The following FOXN2 variants were observed in gnomAD, a reference collection of about 807,000 sequenced individuals.
FOXN2 encodes forkhead box protein N2.
A neutral mutation model predicts 41.2 loss-of-function variants in FOXN2; 19 were observed. The observed-to-expected ratio is 0.46, with a 90% CI of 0.32 to 0.68. The LOEUF (loss-of-function observed/expected upper bound fraction) is 0.68, where lower values mean the gene tolerates loss of function less well. Ranked by LOEUF, FOXN2 falls within the 30% of genes least tolerant of loss-of-function variation. The pLI, the probability that FOXN2 is intolerant of heterozygous loss-of-function variation, is 0.03. For synonymous variants in FOXN2, 195 were observed against 176.8 expected, an observed-to-expected ratio of 1.10 and a Z score of -0.82; for missense variants, 587 against 509.4, an observed-to-expected ratio of 1.15 and a Z score of -1.47.
intron 1 of FOXN2, among the ~76,000 whole-genome samples, 172 bp downstream of exon 1, chr2:48,314,986 C>T (rs530626469): frequency 3.3e-5 from 5 of 151,922 alleles, no homozygotes; most frequent in Admixed American, 3.3e-4. Flanking sequence ...TTTGCGCCGG[C>T]GCGGGGGTGT....
rs531566790 is a variant in FOXN2, at chr2:48,376,905, C to T, written c.*1462C>T. 2.9e-4 allele frequency: 45 copies of T among 152,550 alleles called. No individual in the cohort carries two copies. The South Asian group carries it at 9.4e-3, about 32-fold the overall frequency. 9.4% of individuals were successfully genotyped at this position (152,550 alleles called of 1,614,324 possible). On this transcript the variant is annotated 3_prime_UTR_variant, in exon 7 of 7. Coordinates refer to ENST00000340553, the MANE Select transcript of FOXN2 (RefSeq NM_002158.4). The stretch of plus-strand genomic sequence containing the variant: ...ATGTACACATACATATACACATATG[C>T]ACAGTCAAGGTCATGATGTTGATTT...
chr2:48,321,115 G>T (rs1170382528), intron 1 of FOXN2, among the ~76,000 whole-genome samples: 1 of 151,960 alleles, frequency 6.6e-6, no homozygotes, highest in Non-Finnish European at 1.5e-5. Context: ...TTCACTACAT[G>T]TTATGGTCTG....
intron 1 of FOXN2, among the ~76,000 whole-genome samples, chr2:48,316,628 G>A (rs889469239): frequency 1.3e-5 from 2 of 152,116 alleles, no homozygotes; most frequent in African/African-American, 2.4e-5. Context: ...GATTTTAAGA[G>A]AATGAAATAT....
chr2:48,375,053 C>T lies in FOXN2; in HGVS notation c.906C>T (p.His302=). The change falls in exon 7 of 7, where the codon CAC becomes CAT. Residue 302 remains histidine (H), a synonymous_variant. Transcript: ENST00000340553. ...LATSIDPKED[H]NYSASSMAAQ... ...CCAGCATTGATCCAAAAGAAGATCACAATTACAGTGCAAGTAGCATGGCAG... is the reference window on the plus strand; with the variant it reads ...CCAGCATTGATCCAAAAGAAGATCATAATTACAGTGCAAGTAGCATGGCAG... 1 of 1,614,032 alleles carries T rather than the reference C, an allele frequency of 6.2e-7. No individual in the cohort carries two copies. Among genetic ancestry groups the T allele is most frequent in the Non-Finnish European group, 8.5e-7 (1 of 1,179,972 alleles).
intron 5 of FOXN2, among the ~76,000 whole-genome samples, chr2:48,371,875 T>G (rs1251121250): frequency 6.6e-6 from 1 of 152,176 alleles, no homozygotes; most frequent in Non-Finnish European, 1.5e-5. Context: ...CTGACTTTTG[T>G]GTATTAATTT....
chr2:48,315,722 C>G (rs1287517463), intron 1 of FOXN2, among the ~76,000 whole-genome samples: 2 of 152,184 alleles, frequency 1.3e-5, no homozygotes, highest in Non-Finnish European at 2.9e-5. Context: ...AACTCCACCC[C>G]CTTTTGCACC....
chr2:48,325,649 G>C (rs1361164364), intron 1 of FOXN2, among the ~76,000 whole-genome samples: 1 of 152,068 alleles, frequency 6.6e-6, no homozygotes, highest in Non-Finnish European at 1.5e-5. Context: ...AGATTTGCCA[G>C]ACAACAAATA....
At chr2:48,370,852 TTC>T (rs1672845036) in intron 5 of FOXN2, among the ~76,000 whole-genome samples, 1 of 152,162 alleles carries the variant, frequency 6.6e-6, no homozygotes, top group Non-Finnish European at 1.5e-5. Context: ...TGAGGTCTCA[TTC>T]ATAAAATCTT....
intron 3 of FOXN2, among the ~76,000 whole-genome samples, chr2:48,348,199 TTGC>T (rs1254756063): frequency 1.3e-5 from 2 of 152,180 alleles, no homozygotes; most frequent in Middle Eastern, 3.2e-3. Flanking sequence ...ATTAGACCAT[TTGC>T]TATTTGTCTT....
At chr2:48,361,858 C>T (rs1672211132) in intron 4 of FOXN2, among the ~76,000 whole-genome samples, 1 of 152,060 alleles carries the variant, frequency 6.6e-6, no homozygotes, top group African/African-American at 2.4e-5. Flanking sequence ...CAGGAACATA[C>T]CTGTTTGCTA....
chr2:48,364,976 A>G (rs368023066), intron 5 of FOXN2, among the ~76,000 whole-genome samples: 36 of 152,328 alleles, frequency 2.4e-4, no homozygotes, highest in African/African-American at 8.7e-4. Flanking sequence ...ATTTTAAAAG[A>G]TAATAAGTTG....
rs973337158 is a variant in FOXN2, at chr2:48,377,452, C to T, written c.*2009C>T. ...CAGTTTATTTTGTTCTGCTGAAATT[C>T]TGTATCACAAATGTGCTACCTGGTT... On this transcript the variant is annotated 3_prime_UTR_variant, in exon 7 of 7. Coordinates refer to ENST00000340553, the MANE Select transcript of FOXN2 (RefSeq NM_002158.4). 6.6e-6 allele frequency: 1 copy of T among 151,998 alleles called. No individual in the cohort carries two copies. The highest frequency in any genetic ancestry group is 2.1e-4 in the South Asian group (1 of 4,832). The allele number at this position is 151,998 out of a possible 1,614,324, so 9.4% of individuals were successfully genotyped here. A position where few individuals can be genotyped will look rare whatever the true frequency, so the allele number is the denominator to read the frequency against.
intron 1 of FOXN2, among the ~76,000 whole-genome samples, chr2:48,315,919 ACTTT>A (rs1668881643): frequency 6.6e-6 from 1 of 152,238 alleles, no homozygotes; most frequent in Non-Finnish European, 1.5e-5. Context: ...ATGACCACAG[ACTTT>A]CTTTCTCCTA....
intron 4 of FOXN2, among the ~76,000 whole-genome samples, chr2:48,361,175 T>TA (rs1048247940): frequency 3.9e-5 from 6 of 152,202 alleles, no homozygotes; most frequent in African/African-American, 1.4e-4. Flanking sequence ...TAAAAGAAGA[T>TA]AAAAACTATG....
intron 2 of FOXN2, among the ~76,000 whole-genome samples, chr2:48,334,657 T>C (rs1277226809): frequency 6.6e-6 from 1 of 152,174 alleles, no homozygotes; most frequent in Non-Finnish European, 1.5e-5. Context: ...GGCTATTGCT[T>C]TGAGGATATT....
At chr2:48,338,755 A>T (rs898199494) in intron 2 of FOXN2, among the ~76,000 whole-genome samples, 1 of 152,194 alleles carries the variant, frequency 6.6e-6, no homozygotes, top group African/African-American at 2.4e-5. Flanking sequence ...GAAAGATGAA[A>T]TTGGATAAAA....
rs755914589 is a variant in FOXN2 at position 48,375,455 on chromosome 2, G to T, written c.*12G>T. On this transcript the variant is annotated 3_prime_UTR_variant, in exon 7 of 7. Transcript: ENST00000340553. ...AACGGAAAAAATAGAAATACTTAAA[G>T]TGTGGCAATACTCTTTCACTTAATT... 7.5e-6 allele frequency: 12 copies of T among 1,590,452 alleles called. No homozygotes were observed. The Admixed American group carries it at 2.1e-4, about 27-fold the overall frequency.
intron 3 of FOXN2, among the ~76,000 whole-genome samples, chr2:48,348,236 C>T (rs1231446275): frequency 6.6e-6 from 1 of 152,050 alleles, no homozygotes; most frequent in East Asian, 1.9e-4. Flanking sequence ...TTTGCCTTTC[C>T]TCCACTCTTT....
intron 3 of FOXN2, among the ~76,000 whole-genome samples, chr2:48,354,596 C>G (rs971196954): frequency 6.6e-6 from 1 of 152,058 alleles, no homozygotes; most frequent in Non-Finnish European, 1.5e-5. Flanking sequence ...GAGACTTCGT[C>G]TCAAAAACAA....
Sources: gnomAD v4.1 joint callset for allele counts (sites outside exome capture counted in the v4.1 genomes callset) on GRCh38, gnomAD v4.1.1 for gene constraint, MANE v1.5 for transcripts, NCBI Gene and HGNC (gene_info 2026-07-23, HGNC 2026-07-21) for gene names.